CDH8: variants seen among roughly 807,000 people sequenced by gnomAD.
The protein encoded by CDH8 is cadherin 8.
Under a neutral mutation model 68.1 loss-of-function variants are expected in CDH8, and 17 were observed. That is an observed-to-expected ratio of 0.25 (90% CI 0.17 to 0.37). The LOEUF is 0.37. Ranked by LOEUF, CDH8 falls within the 10% of genes least tolerant of loss-of-function variation. The pLI, the probability that CDH8 is intolerant of heterozygous loss-of-function variation, is 1.00. For missense variants in CDH8, 763 were observed against 999.3 expected (o/e 0.76, Z 3.19); for synonymous variants, 372 against 365.1 (o/e 1.02, Z -0.21).
At chr16:61,889,703 T>C (rs1270450723) in intron 3 of CDH8, among the ~76,000 whole-genome samples, 1 of 152,226 alleles carries the variant, frequency 6.6e-6, no homozygotes, top group East Asian at 1.9e-4. Flanking sequence ...CAATTTATAC[T>C]ATGGGTGTTC....
chr16:61,726,790 C>T (rs1292871178), intron 9 of CDH8: 1 of 390,042 alleles, frequency 2.6e-6, no homozygotes, highest in South Asian at 1.2e-4. Flanking sequence ...AAAATTCAGC[C>T]CCCGTCACTC....
intron 2 of CDH8, among the ~76,000 whole-genome samples, chr16:61,938,939 T>C (rs901801172): frequency 2.6e-5 from 4 of 152,310 alleles, no homozygotes; most frequent in African/African-American, 9.6e-5. Flanking sequence ...TTAGTAAGCA[T>C]TTATTAAATG....
chr16:61,789,362 G>C lies in CDH8; in HGVS notation c.1398C>G (p.Ile466Met). 1 of 1,610,598 alleles carries C rather than the reference G, an allele frequency of 6.2e-7. No individual in the cohort carries two copies. Among genetic ancestry groups the C allele is most frequent in the Non-Finnish European group, 8.5e-7 (1 of 1,178,336 alleles). The change falls in exon 8 of 12, where the codon ATC (isoleucine) becomes ATG (methionine). Residue 466 changes from isoleucine to methionine, a missense_variant. Physicochemically the swap from Ile to Met is conservative, Grantham distance 10 (BLOSUM62 1). This residue lies in a region of CDH8 where 397 missense variants were observed against 436.2 expected (regional missense o/e 0.91). Transcript: ENST00000577390. Reference sequence around the variant, plus strand: ...GGCACTTACTAATTTCAGTAGCAATGATTGTTATGTTGTGCCATACACTTA... The same window carrying C: ...GGCACTTACTAATTTCAGTAGCAATCATTGTTATGTTGTGCCATACACTTA... Reference protein sequence around the residue: ...RELSVWHNITIIATEIRNHSQ... With the variant: ...RELSVWHNITMIATEIRNHSQ...
intron 2 of CDH8, among the ~76,000 whole-genome samples, chr16:61,978,196 T>C (rs909406241): frequency 6.6e-6 from 1 of 152,294 alleles, no homozygotes; most frequent in Admixed American, 6.5e-5. Flanking sequence ...TTAGGGAGCA[T>C]AGTAGCCTCA....
chr16:61,905,300 C>T (rs1964043218), intron 2 of CDH8, among the ~76,000 whole-genome samples: 2 of 152,070 alleles, frequency 1.3e-5, no homozygotes, highest in Non-Finnish European at 2.9e-5. Context: ...CTTAGGGAGA[C>T]ACAGACAAAG....
intron 2 of CDH8, among the ~76,000 whole-genome samples, chr16:61,919,366 C>T (rs1183564829): frequency 2.0e-5 from 3 of 147,700 alleles, no homozygotes; most frequent in Non-Finnish European, 3.0e-5. Context: ...CAAATTACTC[C>T]AAGCTACGGG....
chr16:61,851,778 C>G (rs1962943766), intron 4 of CDH8, among the ~76,000 whole-genome samples: 1 of 152,078 alleles, frequency 6.6e-6, no homozygotes, highest in Non-Finnish European at 1.5e-5. Flanking sequence ...TCCATTTTCT[C>G]TGATGCTACA....
chr16:61,796,801 T>C (rs1961512015), intron 7 of CDH8, among the ~76,000 whole-genome samples: 1 of 152,062 alleles, frequency 6.6e-6, no homozygotes, highest in Non-Finnish European at 1.5e-5. Flanking sequence ...GATAATTTAA[T>C]ACACAGCACA....
rs1295318561 is a variant in CDH8 at position 61,648,455 on chromosome 16, C to T, written c.*5153G>A. The T allele has an allele frequency of 1.3e-5, 2 of 152,074 alleles. No individual in the cohort carries two copies. The highest frequency in any genetic ancestry group is 4.8e-5 in the African/African-American group (2 of 41,400). The allele number at this position is 152,074 out of a possible 1,614,324, so 9.4% of individuals were successfully genotyped here. A position where few individuals can be genotyped will look rare whatever the true frequency, so the allele number is the denominator to read the frequency against. ...TCCCATATGGGGTCCCTTACTTCCT[C>T]CTCAGTACTTCCATAGCACTATATA... On this transcript the variant is annotated 3_prime_UTR_variant, in exon 12 of 12. Coordinates refer to ENST00000577390, the MANE Select transcript of CDH8 (RefSeq NM_001796.5).
intron 2 of CDH8, among the ~76,000 whole-genome samples, chr16:61,960,662 TC>T (rs1344716719): frequency 2.0e-5 from 3 of 152,038 alleles, no homozygotes; most frequent in Non-Finnish European, 4.4e-5. Context: ...TCAGAGCTGT[TC>T]CCCCTTTTTC....
At chr16:61,755,382 T>C (rs906606826) in intron 8 of CDH8, among the ~76,000 whole-genome samples, 5 of 152,292 alleles carry the variant, frequency 3.3e-5, no homozygotes, top group Admixed American at 6.5e-5. Context: ...TATCCACATC[T>C]TTATATATTT....
chr16:61,728,176 GAACA>G (rs901260140), intron 8 of CDH8, among the ~76,000 whole-genome samples: 6 of 150,666 alleles, frequency 4.0e-5, no homozygotes, highest in African/African-American at 4.9e-5. Flanking sequence ...CTTTGAATAT[GAACA>G]AACAGATTTT....
intron 7 of CDH8, among the ~76,000 whole-genome samples, chr16:61,802,155 AC>A (rs1252513193): frequency 2.5e-5 from 3 of 121,338 alleles, no homozygotes; most frequent in Admixed American, 8.1e-5. Context: ...TGGGTCCCTG[AC>A]CCCTGACCCC....
intron 3 of CDH8, among the ~76,000 whole-genome samples, chr16:61,865,742 G>C (rs1310983451): frequency 6.6e-6 from 1 of 152,108 alleles, no homozygotes; most frequent in African/African-American, 2.4e-5. Flanking sequence ...CTTTTCATGG[G>C]CTGCTTATTC....
At chr16:61,958,715 G>C (rs966425948) in intron 2 of CDH8, among the ~76,000 whole-genome samples, 1 of 152,086 alleles carries the variant, frequency 6.6e-6, no homozygotes, top group African/African-American at 2.4e-5. Flanking sequence ...TTTGTATCAG[G>C]AGTGTCATAT....
intron 4 of CDH8, among the ~76,000 whole-genome samples, chr16:61,840,469 C>T (rs1316904303): frequency 6.6e-6 from 1 of 152,122 alleles, no homozygotes; most frequent in African/African-American, 2.4e-5. Flanking sequence ...TTTATTGATG[C>T]TTACCCAGCC....
chr16:61,854,129 T>C lies in CDH8; in HGVS notation c.667+2990A>G, dbSNP rs939346830. On this transcript the variant is annotated intron_variant, in intron 4 of 11. Coordinates refer to ENST00000577390, the MANE Select transcript of CDH8 (RefSeq NM_001796.5). The stretch of plus-strand genomic sequence containing the variant: ...ACACACACATGCACACATATACACA[T>C]ACACACACACACACACACACACACA... Among the ~76,000 whole-genome samples the C allele has an allele frequency of 6.9e-5, 10 of 145,708 alleles. No homozygotes were observed. The South Asian group carries it at 8.8e-4, about 13-fold the overall frequency.
chr16:61,833,751 A>T (rs571293267), intron 4 of CDH8, among the ~76,000 whole-genome samples: 2 of 152,042 alleles, frequency 1.3e-5, no homozygotes, highest in African/African-American at 4.8e-5. Flanking sequence ...TACAGTCTAG[A>T]ACACACTTAC....
At chr16:61,817,312 C>CCACA (rs3833039) in intron 7 of CDH8, among the ~76,000 whole-genome samples, 167 bp downstream of exon 7, 8,216 of 148,116 alleles carry the variant, frequency 0.055, 260 homozygotes, top group South Asian at 0.083. Context: ...CGTGTACACA[C>CCACA]CACACACACA....
Sources: gnomAD v4.1 joint callset for allele counts (sites outside exome capture counted in the v4.1 genomes callset) on GRCh38, gnomAD v4.1.1 for gene constraint, gnomAD v4.1.1 regional missense constraint, MANE v1.5 for transcripts, NCBI Gene and HGNC (gene_info 2026-07-23, HGNC 2026-07-21) for gene names.